CHST9: variants seen among roughly 807,000 people sequenced by gnomAD.
The protein encoded by CHST9 is carbohydrate sulfotransferase 9.
Under a neutral mutation model 44.4 loss-of-function variants are expected in CHST9, and 41 were observed. The ratio of observed to expected loss-of-function variants is 0.92; its 90% CI spans 0.72 to 1.20. The LOEUF is 1.20. Ranked by LOEUF, CHST9 falls within the 50% of genes most tolerant of loss-of-function variation. The pLI is 0.00. For synonymous variants in CHST9, 171 were observed against 178.4 expected, an observed-to-expected ratio of 0.96 and a Z score of 0.33; for missense variants, 504 against 516.5, an observed-to-expected ratio of 0.98 and a Z score of 0.23.
Position 26,987,715 on chromosome 18 carries a change from A to G in CHST9, c.202+36401T>C, listed in dbSNP as rs377495358. 5.3e-5 allele frequency among the ~76,000 whole-genome samples: 8 copies of G among 152,234 alleles called. No homozygotes were observed. In the East Asian group the frequency reaches 1.5e-3, roughly 29 times the overall value. On this transcript the variant is annotated intron_variant, in intron 4 of 5. Transcript: ENST00000618847. ...AACCCCAAAGGTAATGGCACTGGGA[A>G]GTGGGGTCTTTTGGGAGATGATTAG... is the stretch of plus-strand genomic sequence containing the variant.
chr18:27,151,901 A>T (rs188399707), intron 1 of CHST9, among the ~76,000 whole-genome samples: 1 of 152,342 alleles, frequency 6.6e-6, no homozygotes, highest in East Asian at 1.9e-4. Flanking sequence ...AATTTGTGAT[A>T]ATCTGTTATA....
At chr18:26,976,698 A>G (rs2056627758) in intron 4 of CHST9, among the ~76,000 whole-genome samples, 1 of 152,128 alleles carries the variant, frequency 6.6e-6, no homozygotes. Context: ...CCTGAGACTC[A>G]TTTGTAAAGA....
chr18:26,954,043 C>T (rs935694487), intron 4 of CHST9, among the ~76,000 whole-genome samples: 3 of 152,138 alleles, frequency 2.0e-5, no homozygotes, highest in African/African-American at 7.2e-5. Flanking sequence ...TATTCCAGAA[C>T]TGTGGAGTTC....
At chr18:26,953,959 A>G (rs2056286286) in intron 4 of CHST9, among the ~76,000 whole-genome samples, 1 of 152,182 alleles carries the variant, frequency 6.6e-6, no homozygotes, top group Non-Finnish European at 1.5e-5. Flanking sequence ...AAAGAAGATG[A>G]GATTATGAAT....
intron 1 of CHST9, among the ~76,000 whole-genome samples, chr18:27,167,855 T>C (rs2058802945): frequency 6.6e-6 from 1 of 152,090 alleles, no homozygotes; most frequent in African/African-American, 2.4e-5. Context: ...GGTTTCCAAA[T>C]AGTGAATCCC....
intron 2 of CHST9, among the ~76,000 whole-genome samples, chr18:27,138,774 G>A (rs1466457177): frequency 6.6e-6 from 1 of 152,104 alleles, no homozygotes; most frequent in Non-Finnish European, 1.5e-5. Flanking sequence ...TAAGGAAACT[G>A]AGGCTTAGAG....
intron 3 of CHST9, among the ~76,000 whole-genome samples, chr18:27,041,469 A>G (rs1433244746): frequency 6.6e-6 from 1 of 152,130 alleles, no homozygotes; most frequent in Admixed American, 6.6e-5. Flanking sequence ...ATTGTGATGC[A>G]GCTGAAGATA....
chr18:27,019,286 C>T (rs1038931649), intron 4 of CHST9, among the ~76,000 whole-genome samples: 3 of 152,148 alleles, frequency 2.0e-5, no homozygotes, highest in Admixed American at 6.5e-5. Flanking sequence ...TAAAATCACA[C>T]GGCACTGCAG....
At chr18:27,145,106 A>C (rs1037618496) in intron 1 of CHST9, among the ~76,000 whole-genome samples, 4 of 152,224 alleles carry the variant, frequency 2.6e-5, no homozygotes, top group Admixed American at 6.5e-5. Flanking sequence ...AGAAAAAAAA[A>C]CCCACCAAAT....
chr18:27,123,041 T>C (rs1369290678), intron 2 of CHST9, among the ~76,000 whole-genome samples: 1 of 152,208 alleles, frequency 6.6e-6, no homozygotes, highest in African/African-American at 2.4e-5. Flanking sequence ...AATTAATGAC[T>C]TATTTCCCTC....
At chr18:26,958,578 G>A (rs543519699) in intron 4 of CHST9, among the ~76,000 whole-genome samples, 1 of 152,224 alleles carries the variant, frequency 6.6e-6, no homozygotes, top group African/African-American at 2.4e-5. Context: ...TTTGCAAACT[G>A]TGCATTCAAA....
chr18:26,991,011 T>C (rs758798341), intron 4 of CHST9, among the ~76,000 whole-genome samples: 5 of 152,120 alleles, frequency 3.3e-5, no homozygotes, highest in African/African-American at 4.8e-5. Context: ...TCTGGCAGCA[T>C]GGGGATAGGG....
chr18:26,997,874 C>T (rs1227630683), intron 4 of CHST9, among the ~76,000 whole-genome samples: 1 of 152,194 alleles, frequency 6.6e-6, no homozygotes, highest in Non-Finnish European at 1.5e-5. Flanking sequence ...TGCATAGGGC[C>T]ATTTACATAT....
At chr18:26,962,582 C>A (rs561609560) in intron 4 of CHST9, among the ~76,000 whole-genome samples, 63 of 152,280 alleles carry the variant, frequency 4.1e-4, no homozygotes, top group South Asian at 1.7e-3. Flanking sequence ...TGAGCCACTG[C>A]GCTCAGCATT....
intron 2 of CHST9, among the ~76,000 whole-genome samples, chr18:27,126,328 C>G (rs551161189): frequency 4.6e-5 from 7 of 152,288 alleles, no homozygotes; most frequent in Admixed American, 2.6e-4. Context: ...ATATGTTAGG[C>G]ACAGGGGATG....
At chr18:27,005,355 C>CCAA (rs1251278702) in intron 4 of CHST9, among the ~76,000 whole-genome samples, 1 of 152,112 alleles carries the variant, frequency 6.6e-6, no homozygotes, top group African/African-American at 2.4e-5. Flanking sequence ...TTTATAGAGG[C>CCAA]CAACCTTGGG....
chr18:27,029,534 A>G (rs1361130109), intron 3 of CHST9, among the ~76,000 whole-genome samples: 1 of 152,134 alleles, frequency 6.6e-6, no homozygotes, highest in African/African-American at 2.4e-5. Flanking sequence ...GTCTCTTGGT[A>G]TCTGTGGCAG....
chr18:27,143,466 T>C (rs1214372241), intron 1 of CHST9, among the ~76,000 whole-genome samples: 2 of 152,098 alleles, frequency 1.3e-5, no homozygotes, highest in African/African-American at 4.8e-5. Context: ...CACAATAACA[T>C]GAAATTACTG....
At chr18:27,127,386 G>A (rs28377196) in intron 2 of CHST9, among the ~76,000 whole-genome samples, 1,608 of 152,240 alleles carry the variant, frequency 0.011, 24 homozygotes, top group African/African-American at 0.033. Context: ...AGTGGACATC[G>A]CCAGTATCTA....
Sources: gnomAD v4.1 joint callset for allele counts (sites outside exome capture counted in the v4.1 genomes callset) on GRCh38, gnomAD v4.1.1 for gene constraint, MANE v1.5 for transcripts, NCBI Gene and HGNC (gene_info 2026-07-23, HGNC 2026-07-21) for gene names.